The following CCDC71L variants were observed in gnomAD, a reference collection of about 807,000 sequenced individuals.
The protein encoded by CCDC71L is coiled-coil domain-containing protein 71L.
CCDC71L carries 6 observed loss-of-function variants against 10.2 expected under a neutral mutation model. The observed-to-expected ratio is 0.59, with a 90% CI of 0.32 to 1.16. The LOEUF (loss-of-function observed/expected upper bound fraction) is 1.16, where lower values mean the gene tolerates loss of function less well. Ranked by LOEUF, CCDC71L falls within the 50% of genes most tolerant of loss-of-function variation. The pLI, the probability that CCDC71L is intolerant of heterozygous loss-of-function variation, is 0.05. For missense variants in CCDC71L, 366 were observed against 383.4 expected (o/e 0.95, Z 0.38); for synonymous variants, 204 against 175.5 (o/e 1.16, Z -1.28).
At position 106,655,484 on chromosome 7, in the gene CCDC71L, C is replaced by T. The variant is rs1792475235; in HGVS notation, c.*4705G>A. On this transcript the variant is annotated 3_prime_UTR_variant, in exon 1 of 1. Coordinates refer to ENST00000523505, the MANE Select transcript of CCDC71L (RefSeq NM_175884.6). ...GTACTCACTTTGTTTCCTTTAACAC[C>T]TGAATTATAAACTTTATACAAACTA... Among the ~76,000 whole-genome samples the T allele has an allele frequency of 6.6e-6, 1 of 152,042 alleles. No individual in the cohort carries two copies. The highest frequency in any genetic ancestry group is 2.1e-4 in the South Asian group (1 of 4,822).
Position 106,656,192 on chromosome 7 carries a change from C to G in CCDC71L, c.*3997G>C, listed in dbSNP as rs1388213411. On this transcript the variant is annotated 3_prime_UTR_variant, in exon 1 of 1. Transcript: ENST00000523505. ...TTCCACCCCAGGCACTGTGACTCCA[C>G]AACTATTACACTACGCTTCCTCCAA... Among the ~76,000 whole-genome samples the G allele has an allele frequency of 6.6e-6, 1 of 152,166 alleles. No individual in the cohort carries two copies. Among genetic ancestry groups the G allele is most frequent in the Admixed American group, 6.5e-5 (1 of 15,272 alleles).
In CCDC71L at chr7:106,660,856, A is replaced by G. The variant is rs2116106226; in HGVS notation, c.41T>C (p.Val14Ala). 6.8e-7 allele frequency: 1 copy of G among 1,477,804 alleles called. No individual in the cohort carries two copies. Among genetic ancestry groups the G allele is most frequent in the East Asian group, 2.7e-5 (1 of 36,844 alleles). The allele number at this position is 1,477,804 out of a possible 1,614,324, so 91.5% of individuals were successfully genotyped here. The change falls in exon 1 of 1, where the codon GTC becomes GCC. Residue 14 changes from valine (V) to alanine (A), a missense_variant. By Grantham distance (64) the Val-to-Ala change is moderately conservative. Transcript: ENST00000523505. The surrounding 1 kb of genome is among the most constrained non-coding windows in gnomAD (Gnocchi z 7.5). The stretch of plus-strand genomic sequence containing the variant: ...GCCCCGGGCGGCCGTGGCCGGGGCG[A>G]CCGGGCGCCGGCGCCGCCGCCTCTT... ...SMKRRRRRRP[V>A]APATAARGGD...
Position 106,661,138 on chromosome 7 carries a change from TTC to T in CCDC71L, c.-244_-243del, listed in dbSNP as rs1792595344. On this transcript the variant is annotated 5_prime_UTR_variant, in exon 1 of 1. Coordinates refer to ENST00000523505, the MANE Select transcript of CCDC71L (RefSeq NM_175884.6). ...TTGGACGGCGCCTCGCCCCCCTGGTTTCTCTTTCTTCTCCTCTCTTGCCTCTT... is the reference window on the plus strand; with the variant it reads ...TTGGACGGCGCCTCGCCCCCCTGGTTTCTTTCTTCTCCTCTCTTGCCTCTT... 2.3e-6 allele frequency: 1 copy of T among 438,454 alleles called. No homozygotes were observed. The highest frequency in any genetic ancestry group is 4.0e-5 in the East Asian group (1 of 25,024). The allele number at this position is 438,454 out of a possible 1,614,324, so 27.2% of individuals were successfully genotyped here. A position where few individuals can be genotyped will look rare whatever the true frequency, so the allele number is the denominator to read the frequency against.
chr7:106,660,287 G>C lies in CCDC71L; in HGVS notation c.610C>G (p.Arg204Gly). ...IRVGSDVWGE[R>G]SLAAARRRAR... is the part of the protein sequence containing the mutation. ...CTGCGCCGCGCTGCCGCCAGGCTGC[G>C]CTCGCCCCACACGTCGCTGCCGACG... Residue 204 changes from arginine to glycine, a missense_variant, in exon 1 of 1, where the codon CGC becomes GGC. Arg to Gly is a moderately radical substitution (Grantham distance 125, BLOSUM62 -2). Coordinates refer to ENST00000523505, the MANE Select transcript of CCDC71L (RefSeq NM_175884.6). This position sits in a 1 kb window ranked among gnomAD's most constrained non-coding sequence, Gnocchi z 7.5. 6.4e-7 allele frequency: 1 copy of C among 1,563,446 alleles called. No homozygotes were observed. Among genetic ancestry groups the C allele is most frequent in the Non-Finnish European group, 8.6e-7 (1 of 1,165,184 alleles).
rs1262294549 is a variant in CCDC71L at position 106,655,072 on chromosome 7, GATT to G, written c.*5114_*5116del. 6.6e-6 allele frequency among the ~76,000 whole-genome samples: 1 copy of G among 152,040 alleles called. No homozygotes were observed. The highest frequency in any genetic ancestry group is 1.5e-5 in the Non-Finnish European group (1 of 67,962). On this transcript the variant is annotated 3_prime_UTR_variant, in exon 1 of 1. Coordinates refer to ENST00000523505, the MANE Select transcript of CCDC71L (RefSeq NM_175884.6). ...TAAACATAGTGTTTGGTGTTTTTAT[GATT>G]ATTACTTTCCAATTGGGCTTTAGAT... is the stretch of plus-strand genomic sequence containing the variant.
Position 106,660,210 on chromosome 7 carries a change from G to A in CCDC71L, c.687C>T (p.Arg229=). The change falls in exon 1 of 1, where the codon CGC becomes CGT. Residue 229 remains arginine (R), a synonymous_variant. Coordinates refer to ENST00000523505, the MANE Select transcript of CCDC71L (RefSeq NM_175884.6). The surrounding 1 kb of genome is among the most constrained non-coding windows in gnomAD (Gnocchi z 7.5). ...VNLEPMVRLR[R]FPVPRA ...CACCTCATGCCCGGGGCACCGGGAA[G>A]CGGCGGAGCCTCACCATGGGTTCCA... is the stretch of plus-strand genomic sequence containing the variant. The A allele has an allele frequency of 6.4e-7, 1 of 1,570,408 alleles. No homozygotes were observed. The highest frequency in any genetic ancestry group is 8.6e-7 in the Non-Finnish European group (1 of 1,168,340).
chr7:106,661,014 TCCG>T lies in CCDC71L; in HGVS notation c.-121_-119del. 7.9e-7 allele frequency: 1 copy of T among 1,263,442 alleles called. No homozygotes were observed. Among genetic ancestry groups the T allele is most frequent in the Non-Finnish European group, 1.0e-6 (1 of 997,234 alleles). The allele number at this position is 1,263,442 out of a possible 1,614,324, so 78.3% of individuals were successfully genotyped here. ...GGCGTCTCTCGCTACTTTTCTCGCC[TCCG>T]CCGCCGCCCCTCCCCCTCCGAGGGC... On this transcript the variant is annotated 5_prime_UTR_variant, in exon 1 of 1. Transcript: ENST00000523505.
rs1319643713 is a variant in CCDC71L, at chr7:106,655,728, CCAA to C, written c.*4458_*4460del. Among the ~76,000 whole-genome samples the C allele has an allele frequency of 6.6e-6, 1 of 151,948 alleles. No homozygotes were observed. Among genetic ancestry groups the C allele is most frequent in the East Asian group, 1.9e-4 (1 of 5,188 alleles). On this transcript the variant is annotated 3_prime_UTR_variant, in exon 1 of 1. Transcript: ENST00000523505. ...GAAGATGTGAATCTTTAAAAAAACT[CCAA>C]CAACAAAAATTGTAATAAATCAACT...
chr7:106,660,979 G>T lies in CCDC71L; in HGVS notation c.-83C>A. 7.7e-7 allele frequency: 1 copy of T among 1,294,286 alleles called. No individual in the cohort carries two copies. The highest frequency in any genetic ancestry group is 9.8e-7 in the Non-Finnish European group (1 of 1,023,440). The allele number at this position is 1,294,286 out of a possible 1,614,324, so 80.2% of individuals were successfully genotyped here. On this transcript the variant is annotated 5_prime_UTR_variant, in exon 1 of 1. Coordinates refer to ENST00000523505, the MANE Select transcript of CCDC71L (RefSeq NM_175884.6). This position sits in a 1 kb window ranked among gnomAD's most constrained non-coding sequence, Gnocchi z 7.5. ...CAGTCCGCGTTGGCTCCGCGGCGGCGGCTGCTGCTGGCGTCTCTCGCTACT... is the reference window on the plus strand; with the variant it reads ...CAGTCCGCGTTGGCTCCGCGGCGGCTGCTGCTGCTGGCGTCTCTCGCTACT...
Position 106,659,994 on chromosome 7 carries a change from G to A in CCDC71L, c.*195C>T. 2.7e-6 allele frequency: 2 copies of A among 740,124 alleles called. No individual in the cohort carries two copies. The highest frequency in any genetic ancestry group is 4.0e-6 in the Non-Finnish European group (2 of 496,486). 45.8% of individuals were successfully genotyped at this position (740,124 alleles called of 1,614,324 possible). ...ACGGGAGGCAGCAGAGGGCACACCT[G>A]CCCCAGCGTCCAAGACGACCGCGCC... is the stretch of plus-strand genomic sequence containing the variant. On this transcript the variant is annotated 3_prime_UTR_variant, in exon 1 of 1. Coordinates refer to ENST00000523505, the MANE Select transcript of CCDC71L (RefSeq NM_175884.6).
chr7:106,658,106 A>T lies in CCDC71L; in HGVS notation c.*2083T>A, dbSNP rs1396668175. On this transcript the variant is annotated 3_prime_UTR_variant, in exon 1 of 1. Coordinates refer to ENST00000523505, the MANE Select transcript of CCDC71L (RefSeq NM_175884.6). ...TACAAATACATTTTTTCCAGGTGCT[A>T]GTTAGCTATAAAAGTTAACAATATA... 1.3e-5 allele frequency: 2 copies of T among 152,210 alleles called. No individual in the cohort carries two copies. Among genetic ancestry groups the T allele is most frequent in the Non-Finnish European group, 2.9e-5 (2 of 68,030 alleles). 9.4% of individuals were successfully genotyped at this position (152,210 alleles called of 1,614,324 possible). A position where few individuals can be genotyped will look rare whatever the true frequency, so the allele number is the denominator to read the frequency against.
chr7:106,658,585 G>C lies in CCDC71L; in HGVS notation c.*1604C>G, dbSNP rs1238156832. On this transcript the variant is annotated 3_prime_UTR_variant, in exon 1 of 1. Coordinates refer to ENST00000523505, the MANE Select transcript of CCDC71L (RefSeq NM_175884.6). ...ATTTCACATGTCAAGTTCCAGCCCA[G>C]TATGGATCGTTTCATGGCAGAATAC... 2 of 152,574 alleles carry C rather than the reference G, an allele frequency of 1.3e-5. No homozygotes were observed. The highest frequency in any genetic ancestry group is 2.9e-5 in the Non-Finnish European group (2 of 68,024). 9.5% of individuals were successfully genotyped at this position (152,574 alleles called of 1,614,324 possible). A position where few individuals can be genotyped will look rare whatever the true frequency, so the allele number is the denominator to read the frequency against.
chr7:106,661,106 T>G lies in CCDC71L; in HGVS notation c.-210A>C. 1.7e-6 allele frequency: 1 copy of G among 584,542 alleles called. No homozygotes were observed. The highest frequency in any genetic ancestry group is 2.6e-6 in the Non-Finnish European group (1 of 384,780). 36.2% of individuals were successfully genotyped at this position (584,542 alleles called of 1,614,324 possible). ...TGGCGGCCGGCGCCCACCCCTGGGC[T>G]TTGTCATTGGACGGCGCCTCGCCCC... On this transcript the variant is annotated 5_prime_UTR_variant, in exon 1 of 1. Transcript: ENST00000523505.
rs1792496380 is a variant in CCDC71L at position 106,656,650 on chromosome 7, G to A, written c.*3539C>T. ...CAAATCTCGAGATTTCTGGGAATTTGAAGTTCACAAAAAAGTCAAAATTTA... is the reference window on the plus strand; with the variant it reads ...CAAATCTCGAGATTTCTGGGAATTTAAAGTTCACAAAAAAGTCAAAATTTA... On this transcript the variant is annotated 3_prime_UTR_variant, in exon 1 of 1. Transcript: ENST00000523505. 1 of 151,930 alleles carries A rather than the reference G, an allele frequency of 6.6e-6. No individual in the cohort carries two copies. Among genetic ancestry groups the A allele is most frequent in the Non-Finnish European group, 1.5e-5 (1 of 67,982 alleles). 9.4% of individuals were successfully genotyped at this position (151,930 alleles called of 1,614,324 possible).
Position 106,660,300 on chromosome 7 carries a change from G to T in CCDC71L, c.597C>A (p.Asp199Glu). ...TTFPTIRVGS[D>E]VWGERSLAAA... ...CCGCCAGGCTGCGCTCGCCCCACAC[G>T]TCGCTGCCGACGCGGATGGTGGGGA... The change falls in exon 1 of 1, where the codon GAC becomes GAA. Residue 199 changes from aspartate (D) to glutamate (E), a missense_variant. Transcript: ENST00000523505. This position sits in a 1 kb window ranked among gnomAD's most constrained non-coding sequence, Gnocchi z 7.5. 1.3e-6 allele frequency: 2 copies of T among 1,550,566 alleles called. No individual in the cohort carries two copies. Among genetic ancestry groups the T allele is most frequent in the Non-Finnish European group, 1.7e-6 (2 of 1,159,430 alleles).
chr7:106,660,832 CCCCGGGCGGCCGTGG>C lies in CCDC71L; in HGVS notation c.50_64del (p.Ala17_Arg21del). On this transcript the variant is annotated inframe_deletion, in exon 1 of 1. Coordinates refer to ENST00000523505, the MANE Select transcript of CCDC71L (RefSeq NM_175884.6). The surrounding 1 kb of genome is among the most constrained non-coding windows in gnomAD (Gnocchi z 7.5). ...CCCGTCTTCTGCCCTAAAGTCGCCGCCCCGGGCGGCCGTGGCCGGGGCGACCGGGCGCCGGCGCCG... is the reference window on the plus strand; with the variant it reads ...CCCGTCTTCTGCCCTAAAGTCGCCGCCCGGGGCGACCGGGCGCCGGCGCCG... 6.5e-7 allele frequency: 1 copy of C among 1,527,756 alleles called. No individual in the cohort carries two copies. Among genetic ancestry groups the C allele is most frequent in the Middle Eastern group, 1.7e-4 (1 of 5,752 alleles). 94.6% of individuals were successfully genotyped at this position (1,527,756 alleles called of 1,614,324 possible). A position where few individuals can be genotyped will look rare whatever the true frequency, so the allele number is the denominator to read the frequency against.
In CCDC71L at chr7:106,657,204, T is replaced by C. The variant is rs561864741; in HGVS notation, c.*2985A>G. On this transcript the variant is annotated 3_prime_UTR_variant, in exon 1 of 1. Transcript: ENST00000523505. ...AACACACATCACAACAGCGACACTTTGCACTATCAACAATGAAGCTTGCCC... is the reference window on the plus strand; with the variant it reads ...AACACACATCACAACAGCGACACTTCGCACTATCAACAATGAAGCTTGCCC... The C allele has an allele frequency of 1.3e-5, 2 of 152,334 alleles. No homozygotes were observed. The highest frequency in any genetic ancestry group is 4.1e-4 in the South Asian group (2 of 4,824). The allele number at this position is 152,334 out of a possible 1,614,324, so 9.4% of individuals were successfully genotyped here. A position where few individuals can be genotyped will look rare whatever the true frequency, so the allele number is the denominator to read the frequency against.
Position 106,660,614 on chromosome 7 carries a change from T to A in CCDC71L, c.283A>T (p.Ser95Cys). 6.3e-7 allele frequency: 1 copy of A among 1,587,074 alleles called. No homozygotes were observed. Among genetic ancestry groups the A allele is most frequent in the Non-Finnish European group, 8.6e-7 (1 of 1,167,422 alleles). Residue 95 changes from serine (S) to cysteine (C), a missense_variant, in exon 1 of 1, where the codon AGC becomes TGC. By Grantham distance (112) the Ser-to-Cys change is moderately radical. Coordinates refer to ENST00000523505, the MANE Select transcript of CCDC71L (RefSeq NM_175884.6). The surrounding 1 kb of genome is among the most constrained non-coding windows in gnomAD (Gnocchi z 7.5). ...KHQFSPHILRSKDVYGYSSCR... is the reference protein window; with the variant it reads ...KHQFSPHILRCKDVYGYSSCR... ...GAGGAGTAGCCGTAGACGTCCTTGC[T>A]GCGCAGGATGTGCGGGGAGAACTGG...
At position 106,660,245 on chromosome 7, in the gene CCDC71L, G is replaced by C. The variant is rs1052906783; in HGVS notation, c.652C>G (p.Arg218Gly). 1 of 1,576,268 alleles carries C rather than the reference G, an allele frequency of 6.3e-7. No homozygotes were observed. Among genetic ancestry groups the C allele is most frequent in the Non-Finnish European group, 8.5e-7 (1 of 1,171,218 alleles). Residue 218 changes from arginine (R) to glycine (G), a missense_variant, in exon 1 of 1, where the codon CGA becomes GGA. Physicochemically the swap from Arg to Gly is moderately radical, Grantham distance 125. Coordinates refer to ENST00000523505, the MANE Select transcript of CCDC71L (RefSeq NM_175884.6). This position sits in a 1 kb window ranked among gnomAD's most constrained non-coding sequence, Gnocchi z 7.5. Reference protein sequence around the residue: ...AARRRARQVLRVNLEPMVRLR... With the variant: ...AARRRARQVLGVNLEPMVRLR... The stretch of plus-strand genomic sequence containing the variant: ...CTCACCATGGGTTCCAGGTTCACTC[G>C]CAGGACCTGGCGCGCCCTGCGCCGC...
Sources: gnomAD v4.1 joint callset for allele counts (sites outside exome capture counted in the v4.1 genomes callset) on GRCh38, gnomAD v4.1.1 for gene constraint, Gnocchi (gnomAD v3.1) non-coding constraint, MANE v1.5 for transcripts, NCBI Gene and HGNC (gene_info 2026-07-23, HGNC 2026-07-21) for gene names.